Variants in ZBTB48 observed in about 807,000 individuals in gnomAD.
ZBTB48 encodes zinc finger and BTB domain containing 48, also known as zinc finger and BTB domain-containing protein 48.
In ZBTB48, 35 loss-of-function variants were observed where a neutral mutation model predicts 64.5. The observed-to-expected ratio is 0.54, with a 90% CI of 0.41 to 0.72. The LOEUF (loss-of-function observed/expected upper bound fraction) is 0.72. Ranked by LOEUF, ZBTB48 falls within the 30% of genes least tolerant of loss-of-function variation. The probability of loss-of-function intolerance (pLI) is 0.00; values close to 1 mark genes in which losing one functional copy is unlikely to be tolerated. For synonymous variants in ZBTB48, 442 were observed against 356.7 expected, an observed-to-expected ratio of 1.24 and a Z score of -2.70; for missense variants, 828 against 895.3, an observed-to-expected ratio of 0.92 and a Z score of 0.96.
intron 9 of ZBTB48, 59 bp from the exon 10 acceptor site, chr1:6,588,697 G>A: frequency 1.2e-6 from 2 of 1,610,622 alleles, no homozygotes; most frequent in Non-Finnish European, 8.5e-7. Context: ...CTCCTGCTGG[G>A]TTTCCTCGAG....
At chr1:6,582,422 G>A in intron 3 of ZBTB48, 123 bp downstream of exon 3, 1 of 1,313,224 alleles carries the variant, frequency 7.6e-7, no homozygotes, top group Non-Finnish European at 1.1e-6. Context: ...CCCACATAGT[G>A]TCTGGCCTTG....
Position 6,588,058 on chromosome 1 carries a change from A to C in ZBTB48, c.1380-2A>C. ...CTCTGCCCCATGTCCCCACCTTAACAGGAATGAGAGGCCACACGTATGTGA... is the reference window on the plus strand; with the variant it reads ...CTCTGCCCCATGTCCCCACCTTAACCGGAATGAGAGGCCACACGTATGTGA... On this transcript the variant is annotated splice_acceptor_variant, in intron 7 of 10. Coordinates refer to ENST00000377674, the MANE Select transcript of ZBTB48 (RefSeq NM_005341.4). LOFTEE classifies it high-confidence loss of function. 6.2e-7 allele frequency: 1 copy of C among 1,614,038 alleles called. No homozygotes were observed. Among genetic ancestry groups the C allele is most frequent in the East Asian group, 2.2e-5 (1 of 44,892 alleles).
intron 7 of ZBTB48, 83 bp from the exon 8 acceptor site, chr1:6,587,977 A>G (rs1640737435): frequency 3.8e-6 from 6 of 1,563,000 alleles, no homozygotes; most frequent in Non-Finnish European, 5.2e-6. Flanking sequence ...CCCTCTTTCC[A>G]CCAGGCATGC....
rs1300715737 is a variant in ZBTB48 at position 6,581,164 on chromosome 1, C to T, written c.555C>T (p.Gly185=). Residue 185 remains glycine, a synonymous_variant, in exon 2 of 11, where the codon GGC becomes GGT. Transcript: ENST00000377674. ...PQLHSPAQSE[G]PSSLCGKLKQ... ...TCCATTCCCCAGCTCAGAGTGAGGG[C>T]CCCTCCTCCCTCTGTGGGAAACTGA... 16 of 1,613,358 alleles carry T rather than the reference C, an allele frequency of 9.9e-6. No homozygotes were observed. Among genetic ancestry groups the T allele is most frequent in the Non-Finnish European group, 1.4e-5 (16 of 1,180,026 alleles).
chr1:6,586,512 G>A (rs967703018), intron 4 of ZBTB48, 183 bp from the exon 5 acceptor site: 1 of 1,297,546 alleles, frequency 7.7e-7, no homozygotes, highest in Non-Finnish European at 1.0e-6. Context: ...CTGGTGTGCG[G>A]TGGGCTTGCA....
chr1:6,587,088 C>G (rs1277429399), intron 5 of ZBTB48, 117 bp from the exon 6 acceptor site: 1 of 1,149,150 alleles, frequency 8.7e-7, no homozygotes, highest in South Asian at 1.3e-5. Context: ...ATCAGGGGTC[C>G]TCCCAGAATC....
rs1272391290 is a variant in ZBTB48, at chr1:6,580,908, G to A, written c.299G>A (p.Arg100Lys). The change falls in exon 2 of 11, where the codon AGG becomes AAG. Residue 100 changes from arginine (R) to lysine (K), a missense_variant. By Grantham distance (26) the Arg-to-Lys change is conservative (BLOSUM62 2). Transcript: ENST00000377674. The surrounding 1 kb of genome is among the most constrained non-coding windows in gnomAD (Gnocchi z 5.2). ...GNRDQVLLAA[R>K]ELRVPEAVEL... Reference sequence around the variant, plus strand: ...CGGGATCAGGTGCTCCTGGCAGCCAGGGAGTTGCGAGTGCCAGAGGCCGTA... The same window carrying A: ...CGGGATCAGGTGCTCCTGGCAGCCAAGGAGTTGCGAGTGCCAGAGGCCGTA... 1 of 1,614,122 alleles carries A rather than the reference G, an allele frequency of 6.2e-7. No individual in the cohort carries two copies. The highest frequency in any genetic ancestry group is 8.5e-7 in the Non-Finnish European group (1 of 1,180,054).
chr1:6,580,825 C>T lies in ZBTB48; in HGVS notation c.216C>T (p.Ile72=), dbSNP rs1048829906. The part of the protein sequence containing the change: ...SVVLPAGFAE[I]FGLLLDFFYT... ...TCCTCCCTGCTGGCTTCGCTGAGATCTTTGGCCTCTTGTTGGACTTTTTCT... is the reference window on the plus strand; with the variant it reads ...TCCTCCCTGCTGGCTTCGCTGAGATTTTTGGCCTCTTGTTGGACTTTTTCT... The change falls in exon 2 of 11, where the codon ATC becomes ATT. Residue 72 remains isoleucine, a synonymous_variant. Coordinates refer to ENST00000377674, the MANE Select transcript of ZBTB48 (RefSeq NM_005341.4). The surrounding 1 kb of genome is among the most constrained non-coding windows in gnomAD (Gnocchi z 5.2). 6 of 1,614,222 alleles carry T rather than the reference C, an allele frequency of 3.7e-6. No individual in the cohort carries two copies. In the South Asian group the frequency reaches 4.4e-5, roughly 12 times the overall value.
At position 6,580,684 on chromosome 1, in the gene ZBTB48, C is replaced by T; in HGVS notation, c.75C>T (p.Tyr25=). 1.2e-6 allele frequency: 2 copies of T among 1,614,166 alleles called. No individual in the cohort carries two copies. The highest frequency in any genetic ancestry group is 1.7e-6 in the Non-Finnish European group (2 of 1,180,034). ...ELNKQREKGQ[Y]CDATLDVGGL... ...ACAAGCAGCGGGAGAAGGGCCAGTACTGCGACGCCACTCTGGACGTGGGGG... is the reference window on the plus strand; with the variant it reads ...ACAAGCAGCGGGAGAAGGGCCAGTATTGCGACGCCACTCTGGACGTGGGGG... Residue 25 remains tyrosine (Y), a synonymous_variant, in exon 2 of 11, where the codon TAC becomes TAT. Transcript: ENST00000377674. This position sits in a 1 kb window ranked among gnomAD's most constrained non-coding sequence, Gnocchi z 5.2.
chr1:6,581,421 G>T, intron 2 of ZBTB48, 122 bp downstream of exon 2: 1 of 1,117,706 alleles, frequency 8.9e-7, no homozygotes, highest in Non-Finnish European at 1.2e-6. Flanking sequence ...TAGCACTTTG[G>T]GAGGCCAAGG....
rs1423001604 is a variant in ZBTB48, at chr1:6,586,001, G to A, written c.1015G>A (p.Ala339Thr). ...GAAGGAGAACCTCCTGGAGCATGAA[G>A]CCCGGAATTGCATGAACCGCTCGGA... is the stretch of plus-strand genomic sequence containing the variant. Reference protein sequence around the residue: ...FRKENLLEHEARNCMNRSEQV... With the variant: ...FRKENLLEHETRNCMNRSEQV... Residue 339 changes from alanine to threonine, a missense_variant, in exon 4 of 11, where the codon GCC becomes ACC. Physicochemically the swap from Ala to Thr is moderately conservative, Grantham distance 58 (BLOSUM62 0). Transcript: ENST00000377674. The A allele has an allele frequency of 6.2e-7, 1 of 1,614,162 alleles. No homozygotes were observed. The highest frequency in any genetic ancestry group is 8.5e-7 in the Non-Finnish European group (1 of 1,179,996).
intron 3 of ZBTB48, among the ~76,000 whole-genome samples, chr1:6,583,598 CTGTT>C (rs2148687896): frequency 6.7e-6 from 1 of 148,608 alleles, no homozygotes; most frequent in Admixed American, 6.8e-5. Flanking sequence ...TGCGCCCAGC[CTGTT>C]ATTTTTTTTT....
rs1038205950 is a variant in ZBTB48 at position 6,585,083 on chromosome 1, T to C, written c.933-836T>C. ...GAAAAAGCAGAGGCGGGCCAAGGGG[T>C]TGGGGAGTTGTGAGTGGGGTTCGAT... is the stretch of plus-strand genomic sequence containing the variant. On this transcript the variant is annotated intron_variant, in intron 3 of 10. Transcript: ENST00000377674. 3.3e-5 allele frequency among the ~76,000 whole-genome samples: 5 copies of C among 150,274 alleles called. No individual in the cohort carries two copies. In the East Asian group the frequency reaches 5.9e-4, roughly 18 times the overall value.
At position 6,580,898 on chromosome 1, in the gene ZBTB48, C is replaced by T. The variant is rs1640422284; in HGVS notation, c.289C>T (p.Leu97=). The change falls in exon 2 of 11, where the codon CTG becomes TTG. Residue 97 remains leucine (L), a synonymous_variant. Transcript: ENST00000377674. The surrounding 1 kb of genome is among the most constrained non-coding windows in gnomAD (Gnocchi z 5.2). ...LTSGNRDQVL[L]AARELRVPEA... ...CTCAGGGAACCGGGATCAGGTGCTCCTGGCAGCCAGGGAGTTGCGAGTGCC... is the reference window on the plus strand; with the variant it reads ...CTCAGGGAACCGGGATCAGGTGCTCTTGGCAGCCAGGGAGTTGCGAGTGCC... 3 of 1,614,136 alleles carry T rather than the reference C, an allele frequency of 1.9e-6. No homozygotes were observed. The highest frequency in any genetic ancestry group is 2.5e-6 in the Non-Finnish European group (3 of 1,180,044).
Position 6,586,802 on chromosome 1 carries a change from G to T in ZBTB48, c.1137+15G>T. ...TGCCCTACAAGGTCAGGCTTGGCCT[G>T]TCTCCAGGGCCAGGGTTGGGTGGCC... On this transcript the variant is annotated intron_variant, in intron 5 of 10. Coordinates refer to ENST00000377674, the MANE Select transcript of ZBTB48 (RefSeq NM_005341.4). 1.2e-6 allele frequency: 2 copies of T among 1,606,890 alleles called. No individual in the cohort carries two copies. Among genetic ancestry groups the T allele is most frequent in the Non-Finnish European group, 1.7e-6 (2 of 1,176,934 alleles).
Position 6,580,494 on chromosome 1 carries a change from A to C in ZBTB48, c.-69-47A>C. On this transcript the variant is annotated intron_variant, in intron 1 of 10. Transcript: ENST00000377674. This position sits in a 1 kb window ranked among gnomAD's most constrained non-coding sequence, Gnocchi z 5.2. ...CCAAGCCCTCGTGCTGATAAATATG[A>C]TTATTTGAGTAGAGGCCAACTTCCC... 9.2e-7 allele frequency: 1 copy of C among 1,092,454 alleles called. No homozygotes were observed. Among genetic ancestry groups the C allele is most frequent in the Non-Finnish European group, 1.3e-6 (1 of 768,098 alleles). 67.7% of individuals were successfully genotyped at this position (1,092,454 alleles called of 1,614,324 possible). A position where few individuals can be genotyped will look rare whatever the true frequency, so the allele number is the denominator to read the frequency against.
At position 6,588,781 on chromosome 1, in the gene ZBTB48, C is replaced by T. The variant is rs199533475; in HGVS notation, c.1707C>T (p.Val569=). 4.3e-6 allele frequency: 7 copies of T among 1,614,002 alleles called. No individual in the cohort carries two copies. The Middle Eastern group carries it at 8.2e-4, about 189-fold the overall frequency. Residue 569 remains valine, a synonymous_variant, in exon 10 of 11, where the codon GTC becomes GTT. Coordinates refer to ENST00000377674, the MANE Select transcript of ZBTB48 (RefSeq NM_005341.4). ...FKAVEQLRVH[V]RRHKGVRKFE... Reference sequence around the variant, plus strand: ...CCGTGGAGCAACTGCGTGTGCACGTCAGACGGCACAAGGGGGTGAGGAAGT... The same window carrying T: ...CCGTGGAGCAACTGCGTGTGCACGTTAGACGGCACAAGGGGGTGAGGAAGT...
intron 3 of ZBTB48, chr1:6,585,491 G>GACC (rs2148690975): frequency 5.1e-6 from 1 of 196,192 alleles, no homozygotes; most frequent in African/African-American, 2.3e-5. Flanking sequence ...GGAGCGGGGA[G>GACC]ACCAGATGGG....
rs1557822226 is a variant in ZBTB48 at position 6,585,938 on chromosome 1, C to G, written c.952C>G (p.Pro318Ala). ...TGGCAGGAAACATACTGGGGAGAAA[C>G]CCTTTGAGTGTCCCAAATGTGGGAA... ...VHNRKHTGEKPFECPKCGKCY... is the reference protein window; with the variant it reads ...VHNRKHTGEKAFECPKCGKCY... The change falls in exon 4 of 11, where the codon CCC (proline) becomes GCC (alanine). Residue 318 changes from proline to alanine, a missense_variant. Pro to Ala is a conservative substitution (Grantham distance 27, BLOSUM62 -1). Coordinates refer to ENST00000377674, the MANE Select transcript of ZBTB48 (RefSeq NM_005341.4). The G allele has an allele frequency of 6.2e-7, 1 of 1,614,030 alleles. No homozygotes were observed. Among genetic ancestry groups the G allele is most frequent in the Non-Finnish European group, 8.5e-7 (1 of 1,179,964 alleles).
Sources: allele counts gnomAD v4.1 joint callset (sites outside exome capture counted in the v4.1 genomes callset), GRCh38; gene constraint gnomAD v4.1.1; non-coding constraint Gnocchi (gnomAD v3.1); transcripts MANE v1.5; gene names NCBI Gene and HGNC (gene_info 2026-07-23, HGNC 2026-07-21).